Variants in ADAMTS2 observed in about 807,000 individuals in gnomAD.
ADAMTS2 encodes the protein A disintegrin and metalloproteinase with thrombospondin motifs 2.
A neutral mutation model predicts 123.0 loss-of-function variants in ADAMTS2; 50 were observed. The observed-to-expected ratio is 0.41, with a 90% CI of 0.32 to 0.51. The LOEUF (loss-of-function observed/expected upper bound fraction) is 0.51, where lower values mean the gene tolerates loss of function less well. ADAMTS2 is among the 20% of genes least tolerant of loss of function. The probability of loss-of-function intolerance (pLI) is 0.35; values close to 1 mark genes in which losing one functional copy is unlikely to be tolerated. For missense variants in ADAMTS2, 1,494 were observed against 1,705.2 expected (o/e 0.88, Z 2.18); for synonymous variants, 678 against 695.4 (o/e 0.98, Z 0.39).
chr5:179,170,144 T>C lies in ADAMTS2; in HGVS notation c.975+10928A>G, dbSNP rs570485088. On this transcript the variant is annotated intron_variant, in intron 5 of 21. Coordinates refer to ENST00000251582, the MANE Select transcript of ADAMTS2 (RefSeq NM_014244.5). This position sits in a 1 kb window ranked among gnomAD's most constrained non-coding sequence, Gnocchi z 4.3. ...TTTAAGAAATGGAGAAAAATGTTGT[T>C]TTAGGAAAAACTTGAGATAACTCAG... 2.6e-5 allele frequency among the ~76,000 whole-genome samples: 4 copies of C among 152,260 alleles called. No individual in the cohort carries two copies. Among genetic ancestry groups the C allele is most frequent in the African/African-American group, 9.6e-5 (4 of 41,542 alleles).
In ADAMTS2 at chr5:179,115,219, C is replaced by T. The variant is rs1181938812; in HGVS notation, c.3179-895G>A. ...TTCCACCCAGCCATCTTCTCCCTGGCCCATCTCGACCTCTGTCTGCGGCTA... is the reference window on the plus strand; with the variant it reads ...TTCCACCCAGCCATCTTCTCCCTGGTCCATCTCGACCTCTGTCTGCGGCTA... On this transcript the variant is annotated intron_variant, in intron 21 of 21. Transcript: ENST00000251582. The surrounding 1 kb of genome is among the most constrained non-coding windows in gnomAD (Gnocchi z 4.4). Among the ~76,000 whole-genome samples the T allele has an allele frequency of 2.0e-5, 3 of 152,150 alleles. No homozygotes were observed. In the East Asian group the frequency reaches 5.8e-4, roughly 29 times the overall value.
At chr5:179,131,637 G>A (rs528561362) in intron 15 of ADAMTS2, among the ~76,000 whole-genome samples, 3 of 152,260 alleles carry the variant, frequency 2.0e-5, no homozygotes, top group African/African-American at 4.8e-5. Context: ...GGGTGGACAG[G>A]TCCTGAGAGC....
At chr5:179,267,358 G>A (rs1467862634) in intron 3 of ADAMTS2, among the ~76,000 whole-genome samples, 1 of 152,264 alleles carries the variant, frequency 6.6e-6, no homozygotes, top group Non-Finnish European at 1.5e-5. Context: ...GAGGCTGAGA[G>A]GCTCCCGTGG....
chr5:179,340,028 G>T (rs892985344), intron 2 of ADAMTS2, among the ~76,000 whole-genome samples: 1 of 152,272 alleles, frequency 6.6e-6, no homozygotes, highest in African/African-American at 2.4e-5. Context: ...CAGCCTGAAA[G>T]GCAGCAGCCC....
intron 3 of ADAMTS2, among the ~76,000 whole-genome samples, chr5:179,257,885 A>T (rs1050556954): frequency 1.3e-5 from 2 of 152,142 alleles, no homozygotes; most frequent in African/African-American, 4.8e-5. Context: ...AGCTGCCAAC[A>T]GTTTAAAATG....
rs889278918 is a variant in ADAMTS2, at chr5:179,180,976, C to T, written c.975+96G>A. On this transcript the variant is annotated intron_variant, in intron 5 of 21. Transcript: ENST00000251582. This position sits in a 1 kb window ranked among gnomAD's most constrained non-coding sequence, Gnocchi z 4.6. Reference sequence around the variant, plus strand: ...CCAGGGAGAGGCAGGGTGGTTCTGGCAAACGCACACACTCTCCAAGGAGGC... The same window carrying T: ...CCAGGGAGAGGCAGGGTGGTTCTGGTAAACGCACACACTCTCCAAGGAGGC... 2 of 963,894 alleles carry T rather than the reference C, an allele frequency of 2.1e-6. No individual in the cohort carries two copies. The highest frequency in any genetic ancestry group is 1.8e-5 in the Admixed American group (1 of 55,012). The allele number at this position is 963,894 out of a possible 1,614,324, so 59.7% of individuals were successfully genotyped here.
intron 2 of ADAMTS2, among the ~76,000 whole-genome samples, chr5:179,279,053 A>G (rs955555233): frequency 4.6e-5 from 7 of 152,038 alleles, no homozygotes; most frequent in South Asian, 4.1e-4. Flanking sequence ...CCTTCTGCAG[A>G]GCACCCAGGC....
chr5:179,245,738 C>G (rs1304909927), intron 3 of ADAMTS2, among the ~76,000 whole-genome samples: 1 of 113,392 alleles, frequency 8.8e-6, no homozygotes, highest in East Asian at 2.7e-4. Context: ...TGCACTCCAG[C>G]CTGGGCGACA....
chr5:179,223,482 A>G (rs1298327821), intron 3 of ADAMTS2, among the ~76,000 whole-genome samples: 1 of 150,300 alleles, frequency 6.7e-6, no homozygotes, highest in Non-Finnish European at 1.5e-5. Context: ...TCACACACAA[A>G]TGGACTCACA....
intron 2 of ADAMTS2, among the ~76,000 whole-genome samples, chr5:179,291,064 G>T (rs143637970): frequency 0.014 from 2,174 of 152,324 alleles, 68 homozygotes; most frequent in Non-Finnish European, 0.012. Flanking sequence ...TGAGTGGCTT[G>T]ATGAGCGAGC....
At position 179,225,996 on chromosome 5, in the gene ADAMTS2, ACC is replaced by A. The variant is rs1406733178; in HGVS notation, c.689-18283_689-18282del. 6.6e-6 allele frequency among the ~76,000 whole-genome samples: 1 copy of A among 151,304 alleles called. No individual in the cohort carries two copies. Among genetic ancestry groups the A allele is most frequent in the Non-Finnish European group, 1.5e-5 (1 of 67,846 alleles). Reference sequence around the variant, plus strand: ...GGGGCTTCAGGGGCTGCAAACATTCACCCCTAGACACTGCTGTGGGGTCGGAG... The same window carrying A: ...GGGGCTTCAGGGGCTGCAAACATTCACCTAGACACTGCTGTGGGGTCGGAG... On this transcript the variant is annotated intron_variant, in intron 3 of 21. Coordinates refer to ENST00000251582, the MANE Select transcript of ADAMTS2 (RefSeq NM_014244.5). This position sits in a 1 kb window ranked among gnomAD's most constrained non-coding sequence, Gnocchi z 4.5.
chr5:179,121,790 G>A (rs753074786), intron 20 of ADAMTS2, 40 bp from the exon 21 acceptor site: 3 of 1,443,354 alleles, frequency 2.1e-6, no homozygotes, highest in Non-Finnish European at 2.8e-6. Flanking sequence ...CAGGGCACCA[G>A]GCTGGGGCCC....
At position 179,256,113 on chromosome 5, in the gene ADAMTS2, G is replaced by C. The variant is rs1347933912; in HGVS notation, c.688+16798C>G. On this transcript the variant is annotated intron_variant, in intron 3 of 21. Transcript: ENST00000251582. This position sits in a 1 kb window ranked among gnomAD's most constrained non-coding sequence, Gnocchi z 4.1. ...GACACGGTCCTTCTTCCCACAGGGA[G>C]ACCGGGAGGGTCTTGTTCTGCCCTC... 6.6e-6 allele frequency among the ~76,000 whole-genome samples: 1 copy of C among 152,226 alleles called. No homozygotes were observed. The highest frequency in any genetic ancestry group is 6.5e-5 in the Admixed American group (1 of 15,288).
chr5:179,256,305 T>C lies in ADAMTS2; in HGVS notation c.688+16606A>G, dbSNP rs978641668. On this transcript the variant is annotated intron_variant, in intron 3 of 21. Coordinates refer to ENST00000251582, the MANE Select transcript of ADAMTS2 (RefSeq NM_014244.5). The surrounding 1 kb of genome is among the most constrained non-coding windows in gnomAD (Gnocchi z 4.1). The stretch of plus-strand genomic sequence containing the variant: ...CAACAGGAAAGAGGACGGGGGCTTA[T>C]TATAAGGAAAATAGTGTCAGGCCTG... Among the ~76,000 whole-genome samples the C allele has an allele frequency of 7.9e-5, 12 of 152,100 alleles. No individual in the cohort carries two copies. Among genetic ancestry groups the C allele is most frequent in the Non-Finnish European group, 1.8e-4 (12 of 68,018 alleles).
chr5:179,276,789 C>T (rs1207408346), intron 2 of ADAMTS2, among the ~76,000 whole-genome samples: 1 of 152,138 alleles, frequency 6.6e-6, no homozygotes, highest in Non-Finnish European at 1.5e-5. Context: ...GCATGAGGAC[C>T]CCTTATGGCA....
intron 2 of ADAMTS2, among the ~76,000 whole-genome samples, chr5:179,320,474 A>ATTTTTT (rs10565392): frequency 1.4e-5 from 2 of 142,476 alleles, no homozygotes; most frequent in African/African-American, 2.6e-5. Context: ...CGCCTGGCTA[A>ATTTTTT]TTTTTTTTTT....
At chr5:179,194,634 A>C (rs1359608323) in intron 4 of ADAMTS2, among the ~76,000 whole-genome samples, 2 of 152,162 alleles carry the variant, frequency 1.3e-5, no homozygotes, top group African/African-American at 4.8e-5. Flanking sequence ...GTAGGGGAGG[A>C]CCAGCACAGG....
intron 2 of ADAMTS2, among the ~76,000 whole-genome samples, chr5:179,295,302 G>C (rs1464486412): frequency 2.0e-5 from 3 of 152,204 alleles, no homozygotes; most frequent in African/African-American, 7.2e-5. Flanking sequence ...AGGCAGACCT[G>C]ATGGACTGGC....
At chr5:179,190,937 G>A (rs252072) in intron 4 of ADAMTS2, among the ~76,000 whole-genome samples, 83,472 of 152,210 alleles carry the variant, frequency 0.55, 23,900 homozygotes, top group East Asian at 0.67. Flanking sequence ...GCCCAGGCAC[G>A]TCCGCGAGTG....
Sources: gnomAD v4.1 joint callset for allele counts (sites outside exome capture counted in the v4.1 genomes callset) on GRCh38, gnomAD v4.1.1 for gene constraint, Gnocchi (gnomAD v3.1) non-coding constraint, MANE v1.5 for transcripts, NCBI Gene and HGNC (gene_info 2026-07-23, HGNC 2026-07-21) for gene names.